The following EGFLAM variants were observed in gnomAD, a reference collection of about 807,000 sequenced individuals.
EGFLAM encodes the protein pikachurin.
In EGFLAM, 79 loss-of-function variants were observed where a neutral mutation model predicts 113.1. The ratio of observed to expected loss-of-function variants is 0.70; its 90% CI spans 0.58 to 0.84. EGFLAM has a LOEUF of 0.84. Among genes scored for constraint, EGFLAM ranks in the 40% least tolerant of loss-of-function variants. The pLI is 0.00. For missense variants in EGFLAM, 1,265 were observed against 1,291.6 expected (o/e 0.98, Z 0.32); for synonymous variants, 504 against 487.6 (o/e 1.03, Z -0.44).
chr5:38,283,056 T>C (rs1454978195), intron 1 of EGFLAM, among the ~76,000 whole-genome samples: 1 of 152,158 alleles, frequency 6.6e-6, no homozygotes, highest in Non-Finnish European at 1.5e-5. Context: ...GGTCTCATTG[T>C]ATTGCTCAGA....
intron 1 of EGFLAM, among the ~76,000 whole-genome samples, chr5:38,284,664 T>C (rs556802541): frequency 9.2e-5 from 14 of 152,202 alleles, no homozygotes; most frequent in Non-Finnish European, 1.6e-4. Context: ...CCTGCTGAAA[T>C]TCTCTTGTTT....
At chr5:38,409,136 T>A in intron 10 of EGFLAM, 32 bp downstream of exon 10, 1 of 1,493,188 alleles carries the variant, frequency 6.7e-7, no homozygotes, top group Non-Finnish European at 9.1e-7. Flanking sequence ...ACACTCTTTT[T>A]TTGTTACATT....
At chr5:38,400,305 C>T (rs1314380386) in intron 6 of EGFLAM, among the ~76,000 whole-genome samples, 1 of 152,064 alleles carries the variant, frequency 6.6e-6, no homozygotes, top group Non-Finnish European at 1.5e-5. Flanking sequence ...AAAAGTCACC[C>T]TTTTATCTAT....
chr5:38,289,146 C>A (rs530787428), intron 1 of EGFLAM, among the ~76,000 whole-genome samples: 1 of 152,252 alleles, frequency 6.6e-6, no homozygotes, highest in East Asian at 1.9e-4. Context: ...TCTACTCTTG[C>A]CTCTTTCTTT....
At chr5:38,400,467 A>G (rs1453087635) in intron 6 of EGFLAM, among the ~76,000 whole-genome samples, 1 of 152,184 alleles carries the variant, frequency 6.6e-6, no homozygotes, top group Non-Finnish European at 1.5e-5. Context: ...TATGCACTTT[A>G]ATTACAATAA....
intron 1 of EGFLAM, among the ~76,000 whole-genome samples, chr5:38,298,150 T>A (rs2111816393): frequency 6.6e-6 from 1 of 152,324 alleles, no homozygotes. Context: ...GGGAGATGGT[T>A]TTCTGACATG....
chr5:38,408,162 G>A (rs1741355006), intron 9 of EGFLAM, among the ~76,000 whole-genome samples: 1 of 152,246 alleles, frequency 6.6e-6, no homozygotes, highest in Non-Finnish European at 1.5e-5. Flanking sequence ...AAGATTGCAA[G>A]TGAGAATGTT....
In EGFLAM at chr5:38,342,077, A is replaced by C. The variant is rs577738306; in HGVS notation, c.291+3296A>C. Among the ~76,000 whole-genome samples, 54 of 152,294 alleles carry C rather than the reference A, an allele frequency of 3.5e-4. 1 individual carries two copies. In the South Asian group the frequency reaches 5.2e-3, roughly 15 times the overall value. ...TTCATCAAAATGTTGATTCTCCTGC[A>C]TCTCCCTCTTGCTGATTAAGGCTCA... On this transcript the variant is annotated intron_variant, in intron 3 of 21. Transcript: ENST00000322350.
At chr5:38,368,063 C>T (rs1029590968) in intron 5 of EGFLAM, among the ~76,000 whole-genome samples, 2 of 152,142 alleles carry the variant, frequency 1.3e-5, no homozygotes, top group Non-Finnish European at 1.5e-5. Context: ...AGGTAGTCCT[C>T]GGTAAATAAC....
chr5:38,436,995 G>T (rs1266696420), intron 16 of EGFLAM, among the ~76,000 whole-genome samples: 2 of 152,182 alleles, frequency 1.3e-5, no homozygotes, highest in Non-Finnish European at 2.9e-5. Context: ...GGGCAGTGGG[G>T]GTTCCCCTGG....
chr5:38,452,856 A>T (rs1742966559), intron 19 of EGFLAM, among the ~76,000 whole-genome samples: 1 of 152,240 alleles, frequency 6.6e-6, no homozygotes, highest in East Asian at 1.9e-4. Flanking sequence ...TGTCAAATGC[A>T]TAGCTATGAA....
chr5:38,306,255 A>G (rs1213793451), intron 1 of EGFLAM, among the ~76,000 whole-genome samples: 1 of 152,106 alleles, frequency 6.6e-6, no homozygotes, highest in African/African-American at 2.4e-5. Context: ...TTTTAAAAAG[A>G]GAGAGCATCA....
intron 1 of EGFLAM, among the ~76,000 whole-genome samples, chr5:38,278,800 A>AT (rs35990684): frequency 0.012 from 1,837 of 150,256 alleles, 21 homozygotes; most frequent in Middle Eastern, 0.021. Flanking sequence ...CTGGTCAATG[A>AT]TTTTTTTTTT....
At chr5:38,450,443 G>T (rs1406550574) in intron 18 of EGFLAM, among the ~76,000 whole-genome samples, 3 of 152,212 alleles carry the variant, frequency 2.0e-5, no homozygotes, top group African/African-American at 4.8e-5. Flanking sequence ...TGCAGACACA[G>T]ACCCAGGTGT....
At chr5:38,355,630 A>G (rs888211745) in intron 5 of EGFLAM, among the ~76,000 whole-genome samples, 6 of 152,192 alleles carry the variant, frequency 3.9e-5, no homozygotes, top group African/African-American at 1.4e-4. Flanking sequence ...GAGTAAGAAA[A>G]AGCTGTGTTG....
At chr5:38,440,766 T>C (rs891624243) in intron 17 of EGFLAM, among the ~76,000 whole-genome samples, 3 of 152,150 alleles carry the variant, frequency 2.0e-5, no homozygotes, top group African/African-American at 7.2e-5. Flanking sequence ...GTTAAACCAG[T>C]CCTTTTACAT....
intron 4 of EGFLAM, 120 bp from the exon 5 acceptor site, chr5:38,352,076 G>C: frequency 2.1e-6 from 3 of 1,412,566 alleles, no homozygotes; most frequent in South Asian, 1.4e-5. Flanking sequence ...GGAAGCACTC[G>C]AGCTGTTTAT....
At chr5:38,270,596 G>A (rs534071222) in intron 1 of EGFLAM, among the ~76,000 whole-genome samples, 1 of 152,224 alleles carries the variant, frequency 6.6e-6, no homozygotes, top group Admixed American at 6.5e-5. Flanking sequence ...TGAAGGAATT[G>A]TAGTAAGACT....
chr5:38,267,268 G>A (rs563818726), intron 1 of EGFLAM, among the ~76,000 whole-genome samples: 1 of 152,270 alleles, frequency 6.6e-6, no homozygotes, highest in East Asian at 1.9e-4. Flanking sequence ...CAATGTTAAT[G>A]CTATTTATTT....
Sources: gnomAD v4.1 joint callset for allele counts (sites outside exome capture counted in the v4.1 genomes callset) on GRCh38, gnomAD v4.1.1 for gene constraint, MANE v1.5 for transcripts, NCBI Gene and HGNC (gene_info 2026-07-23, HGNC 2026-07-21) for gene names.